Variants in NEGR1 observed in about 807,000 individuals in gnomAD.
NEGR1 encodes neuronal growth regulator 1.
NEGR1 carries 10 observed loss-of-function variants against 40.9 expected under a neutral mutation model. The ratio of observed to expected loss-of-function variants is 0.24; its 90% confidence interval spans 0.15 to 0.42. The LOEUF is 0.42. Ranked by LOEUF, NEGR1 falls within the 10% of genes least tolerant of loss-of-function variation. The pLI is 1.00. For synonymous variants in NEGR1, 185 were observed against 166.8 expected (o/e 1.11, Z -0.84); for missense variants, 352 against 438.9 (o/e 0.80, Z 1.77).
At chr1:71,852,727 C>G (rs927800851) in intron 2 of NEGR1, among the ~76,000 whole-genome samples, 4 of 149,796 alleles carry the variant, frequency 2.7e-5, no homozygotes, top group African/African-American at 9.9e-5. Context: ...GGCAAGTGAA[C>G]ACAAGGTTTT....
At chr1:71,487,769 C>A (rs570153403) in intron 6 of NEGR1, among the ~76,000 whole-genome samples, 7 of 151,362 alleles carry the variant, frequency 4.6e-5, no homozygotes, top group Non-Finnish European at 8.9e-5. Flanking sequence ...AGGAGTAAAT[C>A]TTTTCTTTTG....
At chr1:72,152,732 T>A (rs552990057) in intron 1 of NEGR1, among the ~76,000 whole-genome samples, 10 of 152,048 alleles carry the variant, frequency 6.6e-5, no homozygotes, top group African/African-American at 2.4e-4. Context: ...CAGGTGCCCA[T>A]CAATGGTAGA....
At chr1:71,749,225 A>G (rs1655489509) in intron 3 of NEGR1, among the ~76,000 whole-genome samples, 1 of 152,156 alleles carries the variant, frequency 6.6e-6, no homozygotes, top group Non-Finnish European at 1.5e-5. Flanking sequence ...AGGTATCACA[A>G]TTTTTCACAG....
At chr1:72,038,701 G>C (rs1646926258) in intron 1 of NEGR1, among the ~76,000 whole-genome samples, 1 of 151,938 alleles carries the variant, frequency 6.6e-6, no homozygotes, top group Admixed American at 6.6e-5. Flanking sequence ...AAAGACCTTT[G>C]TGTTCCAAGA....
chr1:71,643,659 A>G (rs1651431595), intron 4 of NEGR1, among the ~76,000 whole-genome samples: 3 of 152,016 alleles, frequency 2.0e-5, no homozygotes, highest in Admixed American at 2.0e-4. Context: ...ACAAATGTAT[A>G]TGCATGTAGG....
chr1:71,773,701 A>G (rs1656406529), intron 3 of NEGR1, among the ~76,000 whole-genome samples: 1 of 152,188 alleles, frequency 6.6e-6, no homozygotes, highest in Non-Finnish European at 1.5e-5. Flanking sequence ...CTAGTTATTC[A>G]TTGGATAATA....
At chr1:71,916,228 G>A (rs1661578559) in intron 2 of NEGR1, among the ~76,000 whole-genome samples, 1 of 152,038 alleles carries the variant, frequency 6.6e-6, no homozygotes, top group African/African-American at 2.4e-5. Flanking sequence ...ATGCTTCAAT[G>A]TCTATTAATA....
intron 6 of NEGR1, among the ~76,000 whole-genome samples, chr1:71,464,393 T>A (rs769278475): frequency 7.1e-6 from 1 of 140,270 alleles, no homozygotes; most frequent in South Asian, 2.5e-4. Flanking sequence ...AAAGTAAAGA[T>A]AACTAGAGAA....
intron 6 of NEGR1, among the ~76,000 whole-genome samples, chr1:71,481,210 C>T (rs563045894): frequency 6.6e-6 from 1 of 151,964 alleles, no homozygotes; most frequent in African/African-American, 2.4e-5. Flanking sequence ...GCTATCTTTT[C>T]CTGCCTTCCT....
intron 6 of NEGR1, among the ~76,000 whole-genome samples, chr1:71,583,174 T>C (rs1304749519): frequency 6.6e-6 from 1 of 152,026 alleles, no homozygotes; most frequent in East Asian, 1.9e-4. Flanking sequence ...CTATCACTAA[T>C]GTGAGTCAGT....
chr1:72,036,226 G>T (rs1201292090), intron 1 of NEGR1, among the ~76,000 whole-genome samples: 1 of 152,104 alleles, frequency 6.6e-6, no homozygotes, highest in Admixed American at 6.5e-5. Flanking sequence ...TGATTGCCTA[G>T]ATATTTCATA....
At chr1:71,789,454 C>T (rs1481758431) in intron 2 of NEGR1, among the ~76,000 whole-genome samples, 1 of 152,072 alleles carries the variant, frequency 6.6e-6, no homozygotes, top group African/African-American at 2.4e-5. Flanking sequence ...CATTCTCCTT[C>T]ATATTAATTA....
At chr1:71,541,253 C>T (rs1174208289) in intron 6 of NEGR1, among the ~76,000 whole-genome samples, 1 of 151,718 alleles carries the variant, frequency 6.6e-6, no homozygotes, top group Non-Finnish European at 1.5e-5. Flanking sequence ...AGATCTAGCA[C>T]AGTGACTGGC....
intron 1 of NEGR1, among the ~76,000 whole-genome samples, chr1:71,983,433 A>T (rs928861127): frequency 3.3e-5 from 5 of 152,008 alleles, no homozygotes; most frequent in African/African-American, 1.2e-4. Flanking sequence ...ATAAAATAGA[A>T]TTTTTTTTCT....
chr1:72,169,235 G>A (rs982173042), intron 1 of NEGR1, among the ~76,000 whole-genome samples: 1 of 152,090 alleles, frequency 6.6e-6, no homozygotes, highest in Admixed American at 6.6e-5. Flanking sequence ...TACAATGTCT[G>A]TATTAGGAAA....
At chr1:72,215,065 T>C (rs1222664312) in intron 1 of NEGR1, among the ~76,000 whole-genome samples, 1 of 151,896 alleles carries the variant, frequency 6.6e-6, no homozygotes, top group Non-Finnish European at 1.5e-5. Flanking sequence ...ACACCACACA[T>C]TTACCACCAA....
intron 3 of NEGR1, among the ~76,000 whole-genome samples, chr1:71,764,378 G>C (rs1204931697): frequency 6.6e-6 from 1 of 152,150 alleles, no homozygotes; most frequent in Non-Finnish European, 1.5e-5. Flanking sequence ...TTAAATAAAT[G>C]TGGTTATGTT....
chr1:71,439,693 T>C (rs1342688627), intron 6 of NEGR1: 1 of 152,080 alleles, frequency 6.6e-6, no homozygotes, highest in African/African-American at 2.4e-5. Flanking sequence ...AGATAGACAA[T>C]ACTTCTCGTC....
At chr1:72,209,623 T>C (rs1272050877) in intron 1 of NEGR1, among the ~76,000 whole-genome samples, 1 of 151,922 alleles carries the variant, frequency 6.6e-6, no homozygotes, top group Non-Finnish European at 1.5e-5. Context: ...GTACTACCGA[T>C]ATGACATTTC....
Sources: gnomAD v4.1 joint callset for allele counts (sites outside exome capture counted in the v4.1 genomes callset) on GRCh38, gnomAD v4.1.1 for gene constraint, MANE v1.5 for transcripts, NCBI Gene and HGNC (gene_info 2026-07-23, HGNC 2026-07-21) for gene names.